Variants in NOS1AP observed in about 807,000 individuals in gnomAD.
The protein encoded by NOS1AP is nitric oxide synthase 1 adaptor protein, also known as carboxyl-terminal PDZ ligand of neuronal nitric oxide synthase protein.
NOS1AP carries 21 observed loss-of-function variants against 56.2 expected under a neutral mutation model. The observed-to-expected ratio is 0.37, with a 90% CI of 0.26 to 0.54. The LOEUF (loss-of-function observed/expected upper bound fraction) is 0.54. NOS1AP is among the 20% of genes least tolerant of loss of function. The probability of loss-of-function intolerance (pLI) is 0.84; values close to 1 mark genes in which losing one functional copy is unlikely to be tolerated. For synonymous variants in NOS1AP, 270 were observed against 274.6 expected (o/e 0.98, Z 0.17); for missense variants, 522 against 657.8 (o/e 0.79, Z 2.26).
chr1:162,294,157 A>G (rs1483667301), intron 3 of NOS1AP, among the ~76,000 whole-genome samples: 1 of 144,530 alleles, frequency 6.9e-6, no homozygotes, highest in Non-Finnish European at 1.5e-5. Context: ...AGAGGGGAAG[A>G]AGGAAGGAAG....
At chr1:162,234,987 A>C (rs1653240532) in intron 2 of NOS1AP, among the ~76,000 whole-genome samples, 1 of 152,118 alleles carries the variant, frequency 6.6e-6, no homozygotes, top group Non-Finnish European at 1.5e-5. Context: ...CCCTGGGCTG[A>C]GTTTGCTCAT....
intron 1 of NOS1AP, among the ~76,000 whole-genome samples, chr1:162,112,347 G>A (rs557829006): frequency 6.6e-6 from 1 of 152,200 alleles, no homozygotes; most frequent in South Asian, 2.1e-4. Flanking sequence ...GTCATCTCAC[G>A]TTAAGAGCAT....
chr1:162,367,036 CTT>C lies in NOS1AP; in HGVS notation c.1106-15_1106-14del, dbSNP rs749636122. The C allele has an allele frequency of 1.9e-6, 3 of 1,613,774 alleles. No individual in the cohort carries two copies. In the East Asian group the frequency reaches 6.7e-5, roughly 36 times the overall value. The stretch of plus-strand genomic sequence containing the variant: ...GCCTAACGCTGCCCCTCTGCTACCT[CTT>C]GTCTCCCCTGCAGTGGGCTCCCAGG... On this transcript the variant is annotated splice_polypyrimidine_tract_variant and intron_variant, in intron 9 of 9. Coordinates refer to ENST00000361897, the MANE Select transcript of NOS1AP (RefSeq NM_014697.3). This position sits in a 1 kb window ranked among gnomAD's most constrained non-coding sequence, Gnocchi z 6.5.
chr1:162,115,208 G>A (rs1041868816), intron 1 of NOS1AP, among the ~76,000 whole-genome samples: 3 of 152,166 alleles, frequency 2.0e-5, no homozygotes, highest in Admixed American at 1.3e-4. Flanking sequence ...AGAGGGAGAG[G>A]AAGGAAACTA....
chr1:162,340,866 T>G (rs1164895038), intron 5 of NOS1AP, among the ~76,000 whole-genome samples: 1 of 152,336 alleles, frequency 6.6e-6, no homozygotes, highest in East Asian at 1.9e-4. Context: ...ACCAGCCTAC[T>G]TCCTTACAGC....
intron 2 of NOS1AP, among the ~76,000 whole-genome samples, chr1:162,172,409 A>T (rs1449914678): frequency 1.3e-5 from 2 of 152,202 alleles, no homozygotes; most frequent in Non-Finnish European, 2.9e-5. Context: ...ACACAAAAGA[A>T]TGGCTATCCC....
chr1:162,199,929 C>G (rs1402156480), intron 2 of NOS1AP, among the ~76,000 whole-genome samples: 1 of 152,170 alleles, frequency 6.6e-6, no homozygotes, highest in Non-Finnish European at 1.5e-5. Flanking sequence ...GTCTAGAGGA[C>G]AGCTGATGCA....
chr1:162,185,811 A>G (rs1482442212), intron 2 of NOS1AP, among the ~76,000 whole-genome samples: 1 of 152,234 alleles, frequency 6.6e-6, no homozygotes, highest in Non-Finnish European at 1.5e-5. Flanking sequence ...GAGGAAAAAC[A>G]AAACCCTATG....
intron 1 of NOS1AP, among the ~76,000 whole-genome samples, chr1:162,088,403 A>G (rs1478387984): frequency 2.6e-5 from 4 of 152,102 alleles, no homozygotes; most frequent in African/African-American, 7.2e-5. Context: ...GTAATTTTAA[A>G]AGCTCCCAGG....
At chr1:162,259,361 T>C (rs950066437) in intron 2 of NOS1AP, among the ~76,000 whole-genome samples, 9 of 152,200 alleles carry the variant, frequency 5.9e-5, no homozygotes, top group African/African-American at 2.2e-4. Flanking sequence ...AATACAAATA[T>C]AGTTTCATAT....
intron 2 of NOS1AP, among the ~76,000 whole-genome samples, chr1:162,184,108 T>C (rs1651352075): frequency 1.3e-5 from 2 of 152,096 alleles, no homozygotes; most frequent in African/African-American, 4.8e-5. Context: ...CATTGTAGGG[T>C]TATTAATTGG....
chr1:162,267,921 GAAGTA>G (rs2101715048), intron 2 of NOS1AP, among the ~76,000 whole-genome samples: 1 of 152,312 alleles, frequency 6.6e-6, no homozygotes, highest in East Asian at 1.9e-4. Context: ...TAAGATGTTA[GAAGTA>G]CCAGTTGTTG....
intron 4 of NOS1AP, among the ~76,000 whole-genome samples, chr1:162,310,889 A>ACTGT (rs1557873219): frequency 1.3e-5 from 2 of 150,122 alleles, no homozygotes; most frequent in Non-Finnish European, 3.0e-5. Context: ...CTGTTCGCTG[A>ACTGT]CTCTCTCTCT....
chr1:162,145,334 G>A (rs1291428097), intron 1 of NOS1AP, among the ~76,000 whole-genome samples: 1 of 152,044 alleles, frequency 6.6e-6, no homozygotes, highest in Non-Finnish European at 1.5e-5. Flanking sequence ...TGTCCACATG[G>A]GCGCTTTGAG....
intron 1 of NOS1AP, among the ~76,000 whole-genome samples, chr1:162,121,350 C>G (rs950499123): frequency 6.6e-6 from 1 of 151,928 alleles, no homozygotes; most frequent in East Asian, 1.9e-4. Context: ...AACTCCTGAC[C>G]TCAAGTGATC....
At chr1:162,263,779 G>GTT (rs1237361297) in intron 2 of NOS1AP, among the ~76,000 whole-genome samples, 1 of 152,120 alleles carries the variant, frequency 6.6e-6, no homozygotes, top group Non-Finnish European at 1.5e-5. Flanking sequence ...AGACACCTCA[G>GTT]AATCACTGTG....
intron 2 of NOS1AP, among the ~76,000 whole-genome samples, chr1:162,225,349 T>C (rs1450887548): frequency 6.6e-6 from 1 of 152,108 alleles, no homozygotes; most frequent in East Asian, 1.9e-4. Context: ...TCCCACTCCC[T>C]AGACCAGGAC....
chr1:162,153,170 C>T (rs1423944907), intron 1 of NOS1AP, among the ~76,000 whole-genome samples: 1 of 152,202 alleles, frequency 6.6e-6, no homozygotes, highest in Admixed American at 6.5e-5. Context: ...AGTCCATCAC[C>T]TGGGCTAGAG....
At chr1:162,223,546 C>T (rs74126002) in intron 2 of NOS1AP, among the ~76,000 whole-genome samples, 1,903 of 151,888 alleles carry the variant, frequency 0.013, 24 homozygotes, top group African/African-American at 0.044. Context: ...AAGGTCAAGA[C>T]GTAGAAAAAG....
Sources: gnomAD v4.1 joint callset for allele counts (sites outside exome capture counted in the v4.1 genomes callset) on GRCh38, gnomAD v4.1.1 for gene constraint, Gnocchi (gnomAD v3.1) non-coding constraint, MANE v1.5 for transcripts, NCBI Gene and HGNC (gene_info 2026-07-23, HGNC 2026-07-21) for gene names.